The following DUSP12 variants were observed in gnomAD, a reference collection of about 807,000 sequenced individuals.
DUSP12 encodes dual specificity protein phosphatase 12.
DUSP12 carries 25 observed loss-of-function variants against 38.9 expected under a neutral mutation model. The ratio of observed to expected loss-of-function variants is 0.64; its 90% CI spans 0.47 to 0.90. The LOEUF (loss-of-function observed/expected upper bound fraction) is 0.90, where lower values mean the gene tolerates loss of function less well. DUSP12 is among the 40% of genes least tolerant of loss of function. DUSP12 has a pLI of 0.00. For missense variants in DUSP12, 403 were observed against 427.0 expected, an observed-to-expected ratio of 0.94 and a Z score of 0.50; for synonymous variants, 153 against 153.9, an observed-to-expected ratio of 0.99 and a Z score of 0.05.
rs757816926 is a variant in DUSP12, at chr1:161,753,215, C to T, written c.815C>T (p.Pro272Leu). Residue 272 changes from proline to leucine, a missense_variant, in exon 5 of 6, where the codon CCT becomes CTT. Physicochemically the swap from Pro to Leu is moderately conservative, Grantham distance 98 (BLOSUM62 -3). Transcript: ENST00000367943. ...QAQCTSYFIE[P>L]VQWMESALLG... ...CAATGTACATCTTATTTCATTGAAC[C>T]TGTACAGTGGATGGAATCTGCTTTG... 1 of 1,613,036 alleles carries T rather than the reference C, an allele frequency of 6.2e-7. No homozygotes were observed. Among genetic ancestry groups the T allele is most frequent in the Non-Finnish European group, 8.5e-7 (1 of 1,179,464 alleles).
intron 1 of DUSP12, among the ~76,000 whole-genome samples, 153 bp downstream of exon 1, chr1:161,750,298 G>C (rs1054224512): frequency 2.0e-5 from 3 of 152,274 alleles, no homozygotes; most frequent in African/African-American, 7.2e-5. Context: ...GTTTCCAAGA[G>C]AGGAGGAGGG....
chr1:161,757,039 C>T lies in DUSP12; in HGVS notation c.*92C>T, dbSNP rs146215116. The T allele has an allele frequency of 2.2e-4, 276 of 1,256,080 alleles. No homozygotes were observed. The African/African-American group carries it at 3.8e-3, about 18-fold the overall frequency. 77.8% of individuals were successfully genotyped at this position (1,256,080 alleles called of 1,614,324 possible). A position where few individuals can be genotyped will look rare whatever the true frequency, so the allele number is the denominator to read the frequency against. On this transcript the variant is annotated 3_prime_UTR_variant, in exon 6 of 6. Coordinates refer to ENST00000367943, the MANE Select transcript of DUSP12 (RefSeq NM_007240.3). ...CATGGCAGATTGTTTGTGCTTTCAACATTTCATTTGAAATGGGAGAAGATA... is the reference window on the plus strand; with the variant it reads ...CATGGCAGATTGTTTGTGCTTTCAATATTTCATTTGAAATGGGAGAAGATA...
intron 4 of DUSP12, among the ~76,000 whole-genome samples, chr1:161,752,719 G>C (rs902395737): frequency 3.9e-5 from 6 of 152,220 alleles, no homozygotes; most frequent in African/African-American, 1.4e-4. Flanking sequence ...GCTGGGCGCA[G>C]TGGCTCACGC....
Position 161,751,739 on chromosome 1 carries a change from A to T in DUSP12, c.416A>T (p.Glu139Val), listed in dbSNP as rs765349241. The T allele has an allele frequency of 1.3e-5, 21 of 1,613,572 alleles. No individual in the cohort carries two copies. The highest frequency in any genetic ancestry group is 4.0e-5 in the African/African-American group (3 of 74,898). ...FLMKTDQLPF[E>V]KAYEKLQILK... ...ATGAAGACTGACCAACTTCCCTTTG[A>T]AAAAGCCTATGAAAAGCTCCAGATT... The change falls in exon 2 of 6, where the codon GAA becomes GTA. Residue 139 changes from glutamate (E) to valine (V), a missense_variant. By Grantham distance (121) the Glu-to-Val change is moderately radical. Transcript: ENST00000367943.
chr1:161,756,735 T>C (rs1557944909), intron 5 of DUSP12, 51 bp from the exon 6 acceptor site: 4 of 1,584,252 alleles, frequency 2.5e-6, no homozygotes, highest in Non-Finnish European at 3.4e-6. Flanking sequence ...AGATAATGAT[T>C]TGTTTTGTAT....
rs758973283 is a variant in DUSP12, at chr1:161,749,966, C to T, written c.165C>T (p.Ala55=). The change falls in exon 1 of 6, where the codon GCC becomes GCT. Residue 55 remains alanine, a synonymous_variant. Coordinates refer to ENST00000367943, the MANE Select transcript of DUSP12 (RefSeq NM_007240.3). ...ACCTGAGGGAAGCGGGCATCACGGC[C>T]GTGCTAACAGTGGACTCGGAGGAGC... ...PDHLREAGIT[A]VLTVDSEEPS... is the part of the protein sequence containing the mutation. The T allele has an allele frequency of 6.2e-7, 1 of 1,613,890 alleles. No individual in the cohort carries two copies. Among genetic ancestry groups the T allele is most frequent in the Non-Finnish European group, 8.5e-7 (1 of 1,179,944 alleles).
At chr1:161,750,810 A>T (rs1684007777) in intron 1 of DUSP12, among the ~76,000 whole-genome samples, 1 of 152,158 alleles carries the variant, frequency 6.6e-6, no homozygotes, top group Non-Finnish European at 1.5e-5. Context: ...CTGTAGTCCC[A>T]GCTACTCGGG....
In DUSP12 at chr1:161,756,927, TC is replaced by T. The variant is rs1448742563; in HGVS notation, c.1004del (p.Ser335TyrfsTer12). 1 of 1,612,200 alleles carries T rather than the reference TC, an allele frequency of 6.2e-7. No homozygotes were observed. On this transcript the variant is annotated frameshift_variant, in exon 6 of 6. Transcript: ENST00000367943. LOFTEE classifies it high-confidence loss of function. The stretch of plus-strand genomic sequence containing the variant: ...AATGAAAATATTGCCTGTTTTGGGA[TC>T]ACAAACAGGAAAAATATGAACATGA... ...DEMKILPVLG[S>X]QTGKI is the part of the protein sequence containing the mutation.
intron 4 of DUSP12, among the ~76,000 whole-genome samples, chr1:161,752,756 G>A (rs1326336501): frequency 1.3e-5 from 2 of 152,152 alleles, no homozygotes; most frequent in Non-Finnish European, 1.5e-5. Context: ...TTGGGAGGCC[G>A]AGGCAGGCAG....
intron 5 of DUSP12, among the ~76,000 whole-genome samples, chr1:161,756,522 C>CATATATATATATATATATAT (rs1684113503): frequency 1.1e-5 from 1 of 94,728 alleles, no homozygotes. Context: ...TATATATATG[C>CATATATATATATATATATAT]CACATCCATG....
chr1:161,753,223 T>A lies in DUSP12; in HGVS notation c.823T>A (p.Trp275Arg), dbSNP rs41270865. 3.7e-3 allele frequency: 5,945 copies of A among 1,610,318 alleles called. 9 individuals carry two copies. The highest frequency in any genetic ancestry group is 4.6e-3 in the Non-Finnish European group (5,438 of 1,178,112). Residue 275 changes from tryptophan to arginine, a missense_variant, in exon 5 of 6, where the codon TGG (tryptophan) becomes AGG (arginine). Physicochemically the swap from Trp to Arg is moderately radical, Grantham distance 101 (BLOSUM62 -3). Coordinates refer to ENST00000367943, the MANE Select transcript of DUSP12 (RefSeq NM_007240.3). ...CTSYFIEPVQ[W>R]MESALLGVMD... Reference sequence around the variant, plus strand: ...ATCTTATTTCATTGAACCTGTACAGTGGATGGAATCTGCTTTGTTGGGAGT... The same window carrying A: ...ATCTTATTTCATTGAACCTGTACAGAGGATGGAATCTGCTTTGTTGGGAGT...
rs771146440 is a variant in DUSP12 at position 161,752,399 on chromosome 1, T to C, written c.609T>C (p.Ala203=). Residue 203 remains alanine (A), a synonymous_variant, in exon 4 of 6, where the codon GCT becomes GCC. Transcript: ENST00000367943. The stretch of plus-strand genomic sequence containing the variant: ...AGAATTTACCTCAAGAACTCTTTGC[T>C]GTTGACCCAACTACCGTTTCACAAG... ...ELQNLPQELF[A]VDPTTVSQGL... 23 of 1,613,126 alleles carry C rather than the reference T, an allele frequency of 1.4e-5. No individual in the cohort carries two copies. The highest frequency in any genetic ancestry group is 1.7e-5 in the Non-Finnish European group (20 of 1,179,396).
chr1:161,755,057 T>C (rs760564452), intron 5 of DUSP12, among the ~76,000 whole-genome samples: 2 of 152,200 alleles, frequency 1.3e-5, no homozygotes, highest in Non-Finnish European at 2.9e-5. Context: ...CTCGAACTCC[T>C]GACCTCAGGT....
chr1:161,750,259 C>T (rs1683995899), intron 1 of DUSP12, 114 bp downstream of exon 1: 1 of 1,151,918 alleles, frequency 8.7e-7, no homozygotes, highest in Non-Finnish European at 1.2e-6. Context: ...CCGCGTGAAC[C>T]TCCTCCCGCT....
At position 161,751,884 on chromosome 1, in the gene DUSP12, G is replaced by A. The variant is rs1684025460; in HGVS notation, c.477G>A (p.Glu159=). ...KPEAKMNEGF[E]WQLKLYQAMG... Reference sequence around the variant, plus strand: ...ATTACAGGATGAATGAGGGGTTTGAGTGGCAACTGAAATTATACCAGGCAA... The same window carrying A: ...ATTACAGGATGAATGAGGGGTTTGAATGGCAACTGAAATTATACCAGGCAA... The change falls in exon 3 of 6, where the codon GAG becomes GAA. Residue 159 remains glutamate (E), a synonymous_variant. Coordinates refer to ENST00000367943, the MANE Select transcript of DUSP12 (RefSeq NM_007240.3). 6 of 1,612,734 alleles carry A rather than the reference G, an allele frequency of 3.7e-6. No homozygotes were observed. In the African/African-American group the frequency reaches 4.0e-5, roughly 11 times the overall value.
chr1:161,752,819 G>A (rs537185178), intron 4 of DUSP12, among the ~76,000 whole-genome samples: 61 of 151,892 alleles, frequency 4.0e-4, no homozygotes, highest in African/African-American at 1.2e-3. Context: ...GTGAAACCCC[G>A]TCTCTATTAA....
At chr1:161,750,911 C>T (rs991195396) in intron 1 of DUSP12, among the ~76,000 whole-genome samples, 1 of 151,838 alleles carries the variant, frequency 6.6e-6, no homozygotes, top group African/African-American at 2.4e-5. Context: ...GGCAACAGAG[C>T]GAGACTCCAT....
rs759168107 is a variant in DUSP12, at chr1:161,756,895, T to G, written c.971T>G (p.Val324Gly). The change falls in exon 6 of 6, where the codon GTG becomes GGG. Residue 324 changes from valine (V) to glycine (G), a missense_variant. Coordinates refer to ENST00000367943, the MANE Select transcript of DUSP12 (RefSeq NM_007240.3). ...TPAFQIHKNR[V>G]DEMKILPVLG... The stretch of plus-strand genomic sequence containing the variant: ...GCTTTTCAAATACATAAGAATAGAG[T>G]GGATGAAATGAAAATATTGCCTGTT... The G allele has an allele frequency of 7.4e-6, 12 of 1,612,744 alleles. No individual in the cohort carries two copies. In the South Asian group the frequency reaches 7.7e-5, roughly 10 times the overall value.
At chr1:161,753,791 AT>A (rs1353440665) in intron 5 of DUSP12, among the ~76,000 whole-genome samples, 1 of 152,180 alleles carries the variant, frequency 6.6e-6, no homozygotes, top group East Asian at 1.9e-4. Context: ...TAAATCAGGG[AT>A]TTTAAAATTA....
Sources: allele counts gnomAD v4.1 joint callset (sites outside exome capture counted in the v4.1 genomes callset), GRCh38; gene constraint gnomAD v4.1.1; transcripts MANE v1.5; gene names NCBI Gene and HGNC (gene_info 2026-07-23, HGNC 2026-07-21).